METTL15: variants seen among roughly 807,000 people sequenced by gnomAD.
METTL15 encodes 12S rRNA N(4)-cytidine methyltransferase METTL15.
A neutral mutation model predicts 38.3 loss-of-function variants in METTL15; 34 were observed. The observed-to-expected ratio is 0.89, with a 90% confidence interval of 0.68 to 1.18. METTL15 has a LOEUF of 1.18. METTL15 is among the 50% of genes most tolerant of loss of function. METTL15 has a pLI of 0.00. For synonymous variants in METTL15, 162 were observed against 170.9 expected (o/e 0.95, Z 0.41); for missense variants, 438 against 498.4 (o/e 0.88, Z 1.15).
In METTL15 at chr11:28,331,568, C is replaced by A. The variant is rs1849816380; in HGVS notation, c.*727C>A. On this transcript the variant is annotated 3_prime_UTR_variant, in exon 7 of 7. Transcript: ENST00000407364. ...CAATGCCTTTAGTAAGTAATAAAGT[C>A]TCTTATTAGAATCTTGTATTTTTTA... 6.6e-6 allele frequency: 1 copy of A among 151,520 alleles called. No individual in the cohort carries two copies. Among genetic ancestry groups the A allele is most frequent in the Non-Finnish European group, 1.5e-5 (1 of 67,838 alleles). 9.4% of individuals were successfully genotyped at this position (151,520 alleles called of 1,614,324 possible).
At chr11:28,234,020 G>A (rs780642838) in intron 4 of METTL15, among the ~76,000 whole-genome samples, 4 of 139,776 alleles carry the variant, frequency 2.9e-5, no homozygotes, top group Admixed American at 1.6e-4. Context: ...TGTTCTCATT[G>A]TTCAGTTCCC....
At chr11:28,526,281 G>C (rs183919057) in intron 6 of METTL15, among the ~76,000 whole-genome samples, 1 of 152,232 alleles carries the variant, frequency 6.6e-6, no homozygotes, top group Non-Finnish European at 1.5e-5. Context: ...CAGAGCTGAC[G>C]CCGAGGCCGA....
At chr11:28,269,828 C>T (rs545135413) in intron 4 of METTL15, among the ~76,000 whole-genome samples, 9 of 152,286 alleles carry the variant, frequency 5.9e-5, no homozygotes, top group South Asian at 2.1e-4. Context: ...ACTCCTGAGC[C>T]GGCCTAGTGC....
rs544578597 is a variant in METTL15 at position 28,328,289 on chromosome 11, A to C, written c.779-2107A>C. On this transcript the variant is annotated intron_variant, in intron 6 of 6. Coordinates refer to ENST00000407364, the MANE Select transcript of METTL15 (RefSeq NM_001113528.2). ...AGACTTTTGGCAAAGTAATTTTTAT[A>C]GAGGAAAGAACCATCACACTGATTT... 4.8e-6 allele frequency: 4 copies of C among 840,062 alleles called. No individual in the cohort carries two copies. In the African/African-American group the frequency reaches 7.0e-5, roughly 15 times the overall value. The allele number at this position is 840,062 out of a possible 1,614,324, so 52.0% of individuals were successfully genotyped here. A position where few individuals can be genotyped will look rare whatever the true frequency, so the allele number is the denominator to read the frequency against.
At chr11:28,430,006 G>A (rs1321086000) in intron 6 of METTL15, among the ~76,000 whole-genome samples, 8 of 134,954 alleles carry the variant, frequency 5.9e-5, no homozygotes, top group East Asian at 2.4e-4. Flanking sequence ...CCTCTGCCCC[G>A]CCGCCCCATC....
chr11:28,169,915 A>G (rs187226154), intron 3 of METTL15, among the ~76,000 whole-genome samples: 106 of 152,148 alleles, frequency 7.0e-4, no homozygotes, highest in African/African-American at 2.4e-3. Context: ...CACAAGCAAA[A>G]TTTGTATTTG....
At chr11:28,240,270 T>C (rs970201243) in intron 4 of METTL15, among the ~76,000 whole-genome samples, 6 of 152,242 alleles carry the variant, frequency 3.9e-5, no homozygotes, top group Non-Finnish European at 5.9e-5. Flanking sequence ...AGCTATACTT[T>C]GTTCGTAAAT....
intron 3 of METTL15, among the ~76,000 whole-genome samples, chr11:28,136,843 A>G (rs1565117048): frequency 6.6e-6 from 1 of 152,048 alleles, no homozygotes; most frequent in South Asian, 2.1e-4. Context: ...GTTCAAAAGC[A>G]TGTGATATTA....
intron 3 of METTL15, among the ~76,000 whole-genome samples, chr11:28,166,337 G>A (rs1052105793): frequency 6.6e-6 from 1 of 152,166 alleles, no homozygotes. Flanking sequence ...TGGATATGAT[G>A]TAGGATTAGT....
At chr11:28,399,230 A>T (rs1470522092) in intron 5 of METTL15, 4 of 152,050 alleles carry the variant, frequency 2.6e-5, no homozygotes, top group Non-Finnish European at 5.9e-5. Context: ...TGGTGTTGGG[A>T]AAACTGGCCA....
chr11:28,119,641 ATTAC>A (rs1304390485), intron 3 of METTL15, among the ~76,000 whole-genome samples: 5 of 152,182 alleles, frequency 3.3e-5, no homozygotes, highest in East Asian at 3.8e-4. Context: ...AATGTTTAGT[ATTAC>A]TTTTTATAAT....
At chr11:28,229,286 T>C (rs563795946) in intron 4 of METTL15, among the ~76,000 whole-genome samples, 1 of 152,112 alleles carries the variant, frequency 6.6e-6, no homozygotes, top group East Asian at 1.9e-4. Context: ...TTCCTGTCTT[T>C]ACCTGCTTGG....
chr11:28,361,775 C>G (rs1408291735), intron 4 of METTL15, among the ~76,000 whole-genome samples: 1 of 152,050 alleles, frequency 6.6e-6, no homozygotes, highest in Non-Finnish European at 1.5e-5. Flanking sequence ...GTTTGGGGTC[C>G]CGGAGCCTAG....
chr11:28,524,575 G>A (rs760993814), intron 6 of METTL15, among the ~76,000 whole-genome samples: 34 of 152,174 alleles, frequency 2.2e-4, no homozygotes, highest in Admixed American at 1.1e-3. Flanking sequence ...GTATTGCCTC[G>A]ATGAGTAATT....
intron 4 of METTL15, among the ~76,000 whole-genome samples, chr11:28,232,824 A>C (rs192997069): frequency 6.6e-6 from 1 of 152,102 alleles, no homozygotes; most frequent in Non-Finnish European, 1.5e-5. Flanking sequence ...TGGAATCTCA[A>C]CAGCTACTCC....
intron 6 of METTL15, among the ~76,000 whole-genome samples, chr11:28,327,222 C>T (rs4400792): frequency 1 from 151,882 of 152,310 alleles, 75,728 homozygotes; most frequent in Non-Finnish European, 1. Flanking sequence ...CATCTAGAAA[C>T]GTCTTCCAGG....
intron 4 of METTL15, among the ~76,000 whole-genome samples, chr11:28,217,131 C>T (rs1288840293): frequency 6.6e-6 from 1 of 152,120 alleles, no homozygotes; most frequent in South Asian, 2.1e-4. Context: ...CCTGAGGAAT[C>T]GCCACACTGA....
chr11:28,127,624 A>G (rs1325186130), intron 3 of METTL15, among the ~76,000 whole-genome samples: 1 of 152,146 alleles, frequency 6.6e-6, no homozygotes, highest in Non-Finnish European at 1.5e-5. Flanking sequence ...CACTGTATAC[A>G]CATTATTTTA....
At chr11:28,114,603 A>G (rs1851862780) in intron 3 of METTL15, among the ~76,000 whole-genome samples, 1 of 152,000 alleles carries the variant, frequency 6.6e-6, no homozygotes, top group Non-Finnish European at 1.5e-5. Flanking sequence ...GGTGAACACT[A>G]CCGTGGCCGG....
Sources: gnomAD v4.1 joint callset for allele counts (sites outside exome capture counted in the v4.1 genomes callset) on GRCh38, gnomAD v4.1.1 for gene constraint, MANE v1.5 for transcripts, NCBI Gene and HGNC (gene_info 2026-07-23, HGNC 2026-07-21) for gene names.